LIX1L: variants seen among roughly 807,000 people sequenced by gnomAD.
The protein encoded by LIX1L is LIX1-like protein.
Under a neutral mutation model 34.0 loss-of-function variants are expected in LIX1L, and 20 were observed. That is an observed-to-expected ratio of 0.59 (90% CI 0.41 to 0.85). LIX1L has a LOEUF of 0.85. Among genes scored for constraint, LIX1L ranks in the 40% least tolerant of loss-of-function variants. The probability of loss-of-function intolerance (pLI) is 0.00; values close to 1 mark genes in which losing one functional copy is unlikely to be tolerated. For missense variants in LIX1L, 397 were observed against 447.0 expected, an observed-to-expected ratio of 0.89 and a Z score of 1.01; for synonymous variants, 170 against 187.4, an observed-to-expected ratio of 0.91 and a Z score of 0.76.
rs587702598 is a variant in LIX1L, at chr1:145,936,023, A to C, written c.*287T>G. On this transcript the variant is annotated 3_prime_UTR_variant, in exon 6 of 6. Transcript: ENST00000604000. The stretch of plus-strand genomic sequence containing the variant: ...AGAGTTAATCTTTTAGTGCTACTGA[A>C]ATGGCTACACAGTTAATCTGGAAGT... The C allele has an allele frequency of 4.7e-4, 180 of 379,472 alleles. 1 individual carries two copies. In the South Asian group the frequency reaches 5.1e-3, roughly 11 times the overall value. The allele number at this position is 379,472 out of a possible 1,614,324, so 23.5% of individuals were successfully genotyped here.
chr1:145,958,012 G>T lies in LIX1L; in HGVS notation c.-85C>A. ...ACCACCCCAGTCAGCTAGCGCCTGG[G>T]GACTCAGGGCGGTGCCAGGGCCGAA... On this transcript the variant is annotated 5_prime_UTR_variant, in exon 1 of 6. Coordinates refer to ENST00000604000, the MANE Select transcript of LIX1L (RefSeq NM_153713.3). The T allele has an allele frequency of 1.0e-6, 1 of 983,040 alleles. No homozygotes were observed. Among genetic ancestry groups the T allele is most frequent in the Non-Finnish European group, 1.4e-6 (1 of 728,740 alleles). 60.9% of individuals were successfully genotyped at this position (983,040 alleles called of 1,614,324 possible).
chr1:145,938,728 T>C (rs782024443), intron 3 of LIX1L, among the ~76,000 whole-genome samples: 5 of 151,980 alleles, frequency 3.3e-5, no homozygotes, highest in African/African-American at 7.2e-5. Flanking sequence ...GCTAGGACTA[T>C]AGGCATGCGC....
intron 1 of LIX1L, among the ~76,000 whole-genome samples, chr1:145,949,300 A>C (rs1246064933): frequency 2.0e-5 from 3 of 152,152 alleles, no homozygotes; most frequent in African/African-American, 7.2e-5. Flanking sequence ...GGCGTATCTG[A>C]CCTAGTTAAG....
intron 1 of LIX1L, among the ~76,000 whole-genome samples, chr1:145,953,095 T>C (rs1456635648): frequency 6.6e-6 from 1 of 152,006 alleles, no homozygotes; most frequent in Non-Finnish European, 1.5e-5. Flanking sequence ...AAAAATTTTT[T>C]TGTAGAGATG....
rs1648573737 is a variant in LIX1L, at chr1:145,934,854, C to CAA, written c.*1454_*1455dup. The CAA allele has an allele frequency of 6.8e-6, 1 of 147,912 alleles. No homozygotes were observed. Among genetic ancestry groups the CAA allele is most frequent in the Non-Finnish European group, 1.5e-5 (1 of 66,878 alleles). 9.2% of individuals were successfully genotyped at this position (147,912 alleles called of 1,614,324 possible). A position where few individuals can be genotyped will look rare whatever the true frequency, so the allele number is the denominator to read the frequency against. On this transcript the variant is annotated 3_prime_UTR_variant, in exon 6 of 6. Coordinates refer to ENST00000604000, the MANE Select transcript of LIX1L (RefSeq NM_153713.3). ...CAAGACTCCGTCTCAAAAACAAAAA[C>CAA]AAAAACAAAACCAAAAAAAAACCAC...
At chr1:145,939,998 C>T (rs1222378351) in intron 3 of LIX1L, 1 of 151,658 alleles carries the variant, frequency 6.6e-6, no homozygotes, top group Admixed American at 6.6e-5. Context: ...CAGAATTTTG[C>T]TCTTGTCACC....
rs1016721121 is a variant in LIX1L at position 145,946,448 on chromosome 1, C to T, written c.456+1171G>A. Among the ~76,000 whole-genome samples, 8 of 152,030 alleles carry T rather than the reference C, an allele frequency of 5.3e-5. No homozygotes were observed. In the East Asian group the frequency reaches 1.2e-3, roughly 22 times the overall value. ...TCCTGACCTTGTGATCCACCCGCCTCGGCCTCCCAGAGTGCTGGGATTACA... is the reference window on the plus strand; with the variant it reads ...TCCTGACCTTGTGATCCACCCGCCTTGGCCTCCCAGAGTGCTGGGATTACA... On this transcript the variant is annotated intron_variant, in intron 2 of 5. Coordinates refer to ENST00000604000, the MANE Select transcript of LIX1L (RefSeq NM_153713.3).
intron 1 of LIX1L, 54 bp downstream of exon 1, chr1:145,957,582 A>C: frequency 7.1e-7 from 1 of 1,411,930 alleles, no homozygotes; most frequent in Non-Finnish European, 9.2e-7. Context: ...GGACTGTGGG[A>C]GCAAGGCTCC....
At chr1:145,954,269 C>T (rs1649395868) in intron 1 of LIX1L, among the ~76,000 whole-genome samples, 1 of 152,108 alleles carries the variant, frequency 6.6e-6, no homozygotes, top group Non-Finnish European at 1.5e-5. Context: ...TGATTTTGGA[C>T]TTCTGGCCTC....
chr1:145,954,080 C>T (rs1649388246), intron 1 of LIX1L, among the ~76,000 whole-genome samples: 2 of 151,078 alleles, frequency 1.3e-5, no homozygotes, highest in Admixed American at 1.3e-4. Context: ...AAAAAGGAGG[C>T]ATATTTGATG....
chr1:145,950,540 G>A (rs1553759737), intron 1 of LIX1L, among the ~76,000 whole-genome samples: 1 of 151,964 alleles, frequency 6.6e-6, no homozygotes, highest in Non-Finnish European at 1.5e-5. Context: ...CTAATTTTTT[G>A]TATTTTTAGT....
chr1:145,942,522 A>G (rs910930270), intron 3 of LIX1L, among the ~76,000 whole-genome samples, 191 bp downstream of exon 3: 13 of 152,224 alleles, frequency 8.5e-5, no homozygotes, highest in Non-Finnish European at 1.2e-4. Context: ...ATAAACACAG[A>G]TACAGAACTA....
At chr1:145,949,610 G>GGACTT (rs1249388887) in intron 1 of LIX1L, among the ~76,000 whole-genome samples, 1 of 151,680 alleles carries the variant, frequency 6.6e-6, no homozygotes, top group Non-Finnish European at 1.5e-5. Context: ...AGCAATTGGA[G>GGACTT]GACTTTAAAA....
intron 3 of LIX1L, among the ~76,000 whole-genome samples, chr1:145,939,651 T>C (rs1389005656): frequency 6.7e-6 from 1 of 150,024 alleles, no homozygotes; most frequent in Non-Finnish European, 1.5e-5. Context: ...TTTTTTTTTT[T>C]TTTTTGAGAC....
intron 1 of LIX1L, among the ~76,000 whole-genome samples, chr1:145,950,864 A>G (rs1469095568): frequency 6.6e-6 from 1 of 152,218 alleles, no homozygotes. Context: ...AAATGTGGTT[A>G]TGGATGACCC....
intron 1 of LIX1L, among the ~76,000 whole-genome samples, chr1:145,954,094 A>C (rs1037753161): frequency 7.9e-5 from 12 of 151,782 alleles, no homozygotes; most frequent in Admixed American, 7.2e-4. Flanking sequence ...TTTGATGAAG[A>C]GGAGGAGTCA....
At position 145,936,271 on chromosome 1, in the gene LIX1L, A is replaced by G; in HGVS notation, c.*39T>C. ...AAATCTTAGAAAGGAGACATAAAAA[A>G]AGGCTGTGGAAAGCCTGGGGAGTTA... is the stretch of plus-strand genomic sequence containing the variant. On this transcript the variant is annotated 3_prime_UTR_variant, in exon 6 of 6. Coordinates refer to ENST00000604000, the MANE Select transcript of LIX1L (RefSeq NM_153713.3). 1.3e-6 allele frequency: 2 copies of G among 1,597,882 alleles called. No homozygotes were observed. The highest frequency in any genetic ancestry group is 1.7e-6 in the Non-Finnish European group (2 of 1,170,980).
In LIX1L at chr1:145,934,328, C is replaced by CT. The variant is rs1161380231; in HGVS notation, c.*1981dup. 12 of 152,216 alleles carry CT rather than the reference C, an allele frequency of 7.9e-5. No individual in the cohort carries two copies. Among genetic ancestry groups the CT allele is most frequent in the African/African-American group, 2.9e-4 (12 of 41,444 alleles). The allele number at this position is 152,216 out of a possible 1,614,324, so 9.4% of individuals were successfully genotyped here. A position where few individuals can be genotyped will look rare whatever the true frequency, so the allele number is the denominator to read the frequency against. ...GTGGCTCACGCCTGTAATCCCAGCA[C>CT]TTTGGGAGGCCGAGGCGGGCGGATC... is the stretch of plus-strand genomic sequence containing the variant. On this transcript the variant is annotated 3_prime_UTR_variant, in exon 6 of 6. Transcript: ENST00000604000.
chr1:145,936,411 C>T lies in LIX1L; in HGVS notation c.913G>A (p.Ala305Thr). The change falls in exon 6 of 6, where the codon GCC (alanine) becomes ACC (threonine). Residue 305 changes from alanine to threonine, a missense_variant. This residue lies in a region of LIX1L where 174 missense variants were observed against 204.0 expected (regional missense o/e 0.85). Transcript: ENST00000604000. ...LASTERELDE[A>T]RLAGKELRFH... ...CGCAGCTCCTTGCCTGCCAGTCGGG[C>T]TTCATCCAGCTCCCGCTCAGTAGAG... 6.2e-7 allele frequency: 1 copy of T among 1,614,164 alleles called. No individual in the cohort carries two copies. The highest frequency in any genetic ancestry group is 8.5e-7 in the Non-Finnish European group (1 of 1,180,030).
Sources: gnomAD v4.1 joint callset for allele counts (sites outside exome capture counted in the v4.1 genomes callset) on GRCh38, gnomAD v4.1.1 for gene constraint, gnomAD v4.1.1 regional missense constraint, MANE v1.5 for transcripts, NCBI Gene and HGNC (gene_info 2026-07-23, HGNC 2026-07-21) for gene names.